Variants in UQCC1 observed in about 807,000 individuals in gnomAD.
The protein encoded by UQCC1 is ubiquinol-cytochrome c reductase complex assembly factor 1.
UQCC1 carries 38 observed loss-of-function variants against 48.0 expected under a neutral mutation model. That is an observed-to-expected ratio of 0.79 (90% CI 0.61 to 1.04). The LOEUF is 1.04. Ranked by LOEUF, UQCC1 falls within the 50% of genes least tolerant of loss-of-function variation. UQCC1 has a pLI of 0.00. For missense variants in UQCC1, 368 were observed against 381.8 expected (o/e 0.96, Z 0.30); for synonymous variants, 111 against 129.2 (o/e 0.86, Z 0.95).
intron 6 of UQCC1, among the ~76,000 whole-genome samples, chr20:35,359,733 C>T (rs1340680345): frequency 2.6e-5 from 4 of 152,224 alleles, no homozygotes; most frequent in African/African-American, 9.6e-5. Context: ...GACTTTCACA[C>T]AGCATGTTTC....
In UQCC1 at chr20:35,365,456, A is replaced by G. The variant is rs371431210; in HGVS notation, c.464+1101T>C. 5.9e-5 allele frequency among the ~76,000 whole-genome samples: 9 copies of G among 152,232 alleles called. No homozygotes were observed. The South Asian group carries it at 1.7e-3, about 28-fold the overall frequency. On this transcript the variant is annotated intron_variant, in intron 6 of 9. Coordinates refer to ENST00000374385, the MANE Select transcript of UQCC1 (RefSeq NM_018244.5). ...GATCACTTGAGGTCAGGAGATTGAGACCAGCCTGGCCAAGATGGTGAAACC... is the reference window on the plus strand; with the variant it reads ...GATCACTTGAGGTCAGGAGATTGAGGCCAGCCTGGCCAAGATGGTGAAACC...
chr20:35,303,439 AAAG>A lies in UQCC1; in HGVS notation c.*493_*495del. 1 of 160,732 alleles carries A rather than the reference AAAG, an allele frequency of 6.2e-6. No individual in the cohort carries two copies. Among genetic ancestry groups the A allele is most frequent in the Non-Finnish European group, 1.4e-5 (1 of 72,052 alleles). 10.0% of individuals were successfully genotyped at this position (160,732 alleles called of 1,614,324 possible). A position where few individuals can be genotyped will look rare whatever the true frequency, so the allele number is the denominator to read the frequency against. On this transcript the variant is annotated 3_prime_UTR_variant, in exon 10 of 10. Coordinates refer to ENST00000374385, the MANE Select transcript of UQCC1 (RefSeq NM_018244.5). ...AGGCAAGTTTCTAAGTCCCTGGAAT[AAAG>A]AAGGGCCATGGCAGAGAGAAGTCTC... is the stretch of plus-strand genomic sequence containing the variant.
intron 7 of UQCC1, among the ~76,000 whole-genome samples, chr20:35,340,305 G>C (rs74324530): frequency 6.6e-6 from 1 of 152,168 alleles, no homozygotes; most frequent in African/African-American, 2.4e-5. Context: ...TGTTCAGTAG[G>C]ACCCTGCTTA....
intron 2 of UQCC1, among the ~76,000 whole-genome samples, chr20:35,390,611 C>T (rs562971585): frequency 6.6e-6 from 1 of 151,856 alleles, no homozygotes; most frequent in African/African-American, 2.4e-5. Flanking sequence ...TTAATGTTAA[C>T]ATATCATTAA....
chr20:35,394,011 G>T, intron 2 of UQCC1, 81 bp downstream of exon 2: 1 of 1,342,522 alleles, frequency 7.4e-7, no homozygotes, highest in Non-Finnish European at 1.1e-6. Flanking sequence ...CACACAATTT[G>T]GTTGGCTAAT....
At chr20:35,390,616 C>T (rs2062002394) in intron 2 of UQCC1, among the ~76,000 whole-genome samples, 1 of 151,748 alleles carries the variant, frequency 6.6e-6, no homozygotes, top group Non-Finnish European at 1.5e-5. Flanking sequence ...GTTAACATAT[C>T]ATTAAAAAAA....
At chr20:35,313,489 T>C (rs1193933713) in intron 8 of UQCC1, among the ~76,000 whole-genome samples, 1 of 151,722 alleles carries the variant, frequency 6.6e-6, no homozygotes, top group Non-Finnish European at 1.5e-5. Flanking sequence ...ATGTGTCTAG[T>C]GTAACTCCAG....
At chr20:35,399,613 T>C (rs553126079) in intron 1 of UQCC1, among the ~76,000 whole-genome samples, 2 of 152,192 alleles carry the variant, frequency 1.3e-5, no homozygotes, top group South Asian at 4.1e-4. Context: ...CCCAGCACTT[T>C]GGGAGACCAT....
intron 2 of UQCC1, among the ~76,000 whole-genome samples, chr20:35,390,998 C>T (rs567616885): frequency 1.4e-3 from 209 of 152,126 alleles, no homozygotes; most frequent in African/African-American, 4.6e-3. Flanking sequence ...GAGTTCAAGA[C>T]CAGCCTGGCC....
intron 5 of UQCC1, among the ~76,000 whole-genome samples, chr20:35,373,705 A>C (rs1182009094): frequency 6.6e-6 from 1 of 152,080 alleles, no homozygotes; most frequent in East Asian, 1.9e-4. Flanking sequence ...AAAAAAAAAA[A>C]AACCATCCAG....
In UQCC1 at chr20:35,399,056, G is replaced by A. The variant is rs564753863; in HGVS notation, c.25-4860C>T. 2.6e-5 allele frequency among the ~76,000 whole-genome samples: 4 copies of A among 152,256 alleles called. No homozygotes were observed. In the South Asian group the frequency reaches 8.3e-4, roughly 32 times the overall value. On this transcript the variant is annotated intron_variant, in intron 1 of 9. Coordinates refer to ENST00000374385, the MANE Select transcript of UQCC1 (RefSeq NM_018244.5). ...ATCCCAAGTCTGCCATCAAATAGCT[G>A]TGAACTGGTTACTCAACAATCTGGG...
intron 6 of UQCC1, among the ~76,000 whole-genome samples, chr20:35,362,747 C>A (rs559635626): frequency 3.4e-4 from 51 of 152,086 alleles, no homozygotes; most frequent in African/African-American, 1.2e-3. Flanking sequence ...TGTGTACTGA[C>A]CCCATTTGTA....
At chr20:35,309,255 A>G (rs573434809) in intron 8 of UQCC1, 5 of 438,500 alleles carry the variant, frequency 1.1e-5, no homozygotes, top group South Asian at 6.3e-5. Flanking sequence ...CAACATGGCG[A>G]AACTGTTTCC....
At chr20:35,321,682 C>T (rs1313128686) in intron 7 of UQCC1, among the ~76,000 whole-genome samples, 2 of 152,158 alleles carry the variant, frequency 1.3e-5, no homozygotes, top group African/African-American at 2.4e-5. Context: ...AAGTGAGGTC[C>T]TGTCTCTACA....
chr20:35,346,919 A>G, intron 7 of UQCC1: 1 of 1,409,322 alleles, frequency 7.1e-7, no homozygotes, highest in Non-Finnish European at 9.4e-7. Flanking sequence ...GGGCTTTACA[A>G]TCCCATCTCC....
chr20:35,405,096 AGGCAGAGTTATCGAATGCCT>A (rs2062231952), intron 1 of UQCC1, among the ~76,000 whole-genome samples: 1 of 152,200 alleles, frequency 6.6e-6, no homozygotes, highest in Non-Finnish European at 1.5e-5. Flanking sequence ...GTGAAAGTTA[AGGCAGAGTTATCGAATGCCT>A]GGCAGAGTGT....
chr20:35,368,850 C>T (rs1033193644), intron 5 of UQCC1, among the ~76,000 whole-genome samples: 2 of 152,184 alleles, frequency 1.3e-5, no homozygotes, highest in African/African-American at 4.8e-5. Flanking sequence ...GAAGGCTGGC[C>T]TGGCCAGCCA....
intron 7 of UQCC1, among the ~76,000 whole-genome samples, chr20:35,320,253 A>T (rs1377297814): frequency 6.6e-6 from 1 of 152,212 alleles, no homozygotes; most frequent in Non-Finnish European, 1.5e-5. Flanking sequence ...CCCATCATTC[A>T]TTATTTACCA....
At chr20:35,327,957 C>T (rs781110291) in intron 7 of UQCC1, among the ~76,000 whole-genome samples, 5 of 149,914 alleles carry the variant, frequency 3.3e-5, no homozygotes, top group African/African-American at 4.9e-5. Flanking sequence ...GGTGAGATTA[C>T]GCCACTGCAA....
Sources: allele counts gnomAD v4.1 joint callset (sites outside exome capture counted in the v4.1 genomes callset), GRCh38; gene constraint gnomAD v4.1.1; transcripts MANE v1.5; gene names NCBI Gene and HGNC (gene_info 2026-07-23, HGNC 2026-07-21).